STAU2: variants seen among roughly 807,000 people sequenced by gnomAD.
STAU2 encodes the protein double-stranded RNA-binding protein Staufen homolog 2.
Under a neutral mutation model 65.9 loss-of-function variants are expected in STAU2, and 20 were observed. The ratio of observed to expected loss-of-function variants is 0.30; its 90% CI spans 0.21 to 0.44. The LOEUF (loss-of-function observed/expected upper bound fraction) is 0.44. STAU2 is among the 20% of genes least tolerant of loss of function. STAU2 has a pLI of 1.00. For synonymous variants in STAU2, 232 were observed against 233.9 expected, an observed-to-expected ratio of 0.99 and a Z score of 0.07; for missense variants, 558 against 683.9, an observed-to-expected ratio of 0.82 and a Z score of 2.05.
chr8:73,641,140 A>G (rs1475206541), intron 6 of STAU2, among the ~76,000 whole-genome samples: 1 of 152,174 alleles, frequency 6.6e-6, no homozygotes, highest in African/African-American at 2.4e-5. Context: ...AATGTGGCCA[A>G]AAGAATCCTG....
chr8:73,488,172 G>A (rs958065514), intron 13 of STAU2, among the ~76,000 whole-genome samples: 1 of 151,984 alleles, frequency 6.6e-6, no homozygotes, highest in Non-Finnish European at 1.5e-5. Flanking sequence ...TACAGAGTAG[G>A]AATTTTTTAA....
At chr8:73,675,265 A>G (rs1435819957) in intron 5 of STAU2, among the ~76,000 whole-genome samples, 1 of 152,024 alleles carries the variant, frequency 6.6e-6, no homozygotes, top group Non-Finnish European at 1.5e-5. Flanking sequence ...GACACAACTT[A>G]TCAAAACCTC....
intron 6 of STAU2, among the ~76,000 whole-genome samples, chr8:73,629,518 G>A (rs1326156617): frequency 6.6e-6 from 1 of 152,010 alleles, no homozygotes; most frequent in African/African-American, 2.4e-5. Context: ...AAAATTGCAG[G>A]GTTTTAAAGT....
At chr8:73,649,710 T>C (rs1815685899) in intron 6 of STAU2, among the ~76,000 whole-genome samples, 1 of 151,588 alleles carries the variant, frequency 6.6e-6, no homozygotes, top group African/African-American at 2.4e-5. Context: ...ACAGGGCAGT[T>C]TGTATGATAT....
At chr8:73,551,022 G>T in intron 13 of STAU2, 1 of 986,482 alleles carries the variant, frequency 1.0e-6, no homozygotes, top group Non-Finnish European at 1.2e-6. Context: ...AAGGAATAAA[G>T]ACTAAGATGG....
At chr8:73,630,529 C>A (rs1006807305) in intron 6 of STAU2, among the ~76,000 whole-genome samples, 3 of 152,206 alleles carry the variant, frequency 2.0e-5, no homozygotes, top group African/African-American at 7.2e-5. Context: ...TTTAGTCACA[C>A]TAAATACAAA....
intron 13 of STAU2, among the ~76,000 whole-genome samples, chr8:73,476,916 T>C (rs746208966): frequency 1.3e-5 from 2 of 152,184 alleles, no homozygotes; most frequent in Non-Finnish European, 2.9e-5. Context: ...AGTGAGAATA[T>C]TGCATATATA....
intron 5 of STAU2, among the ~76,000 whole-genome samples, chr8:73,679,288 T>C (rs1160603051): frequency 6.6e-6 from 1 of 152,162 alleles, no homozygotes; most frequent in Non-Finnish European, 1.5e-5. Flanking sequence ...CAGGACTAAC[T>C]TGAGGCTCCC....
intron 6 of STAU2, among the ~76,000 whole-genome samples, chr8:73,641,860 G>A (rs529813150): frequency 6.6e-6 from 1 of 152,128 alleles, no homozygotes; most frequent in Non-Finnish European, 1.5e-5. Context: ...AGAATTCTGT[G>A]AGACTAATTC....
In STAU2 at chr8:73,637,477, T is replaced by TAAAAAAAAAAAAAAAA. The variant is rs60833468; in HGVS notation, c.411-20042_411-20027dup. 7.6e-3 allele frequency among the ~76,000 whole-genome samples: 436 copies of TAAAAAAAAAAAAAAAA among 57,154 alleles called. 3 individuals carry two copies. The highest frequency in any genetic ancestry group is 0.012 in the East Asian group (19 of 1,560). The allele number at this position is 57,154 out of a possible 152,430, so 37.5% of individuals were successfully genotyped here. On this transcript the variant is annotated intron_variant, in intron 6 of 14. Coordinates refer to ENST00000524300, the MANE Select transcript of STAU2 (RefSeq NM_001164380.2). ...TAAAGTCTTTATAAAGTGCTGAAAG[T>TAAAAAAAAAAAAAAAA]AAAAAAAAAAAAAAAAAAAAAAAAA...
intron 13 of STAU2, among the ~76,000 whole-genome samples, chr8:73,521,583 C>T (rs868211727): frequency 2.6e-5 from 4 of 152,142 alleles, no homozygotes; most frequent in African/African-American, 4.8e-5. Flanking sequence ...GATTTTTTGA[C>T]TTTAAAATGG....
At position 73,659,065 on chromosome 8, in the gene STAU2, G is replaced by C. The variant is rs1428790953; in HGVS notation, c.410+14042C>G. Among the ~76,000 whole-genome samples the C allele has an allele frequency of 2.6e-5, 4 of 152,090 alleles. No individual in the cohort carries two copies. The East Asian group carries it at 5.8e-4, about 22-fold the overall frequency. On this transcript the variant is annotated intron_variant, in intron 6 of 14. Coordinates refer to ENST00000524300, the MANE Select transcript of STAU2 (RefSeq NM_001164380.2). ...TGCATAAAAAGTGATTGAGCATTAA[G>C]GAGAAACAGCTGGTGGATAACGTTT... is the stretch of plus-strand genomic sequence containing the variant.
At chr8:73,730,430 A>G (rs976691192) in intron 3 of STAU2, among the ~76,000 whole-genome samples, 3 of 152,354 alleles carry the variant, frequency 2.0e-5, no homozygotes, top group African/African-American at 7.2e-5. Flanking sequence ...TATACTTTAA[A>G]AGAATATATA....
intron 13 of STAU2, among the ~76,000 whole-genome samples, chr8:73,476,734 G>C (rs60717542): frequency 0.14 from 21,032 of 152,118 alleles, 1,960 homozygotes; most frequent in East Asian, 0.51. Context: ...AGATCACTGG[G>C]GGGTGTAGAT....
At chr8:73,580,877 A>G (rs1017824076) in intron 12 of STAU2, among the ~76,000 whole-genome samples, 11 of 152,346 alleles carry the variant, frequency 7.2e-5, no homozygotes, top group African/African-American at 2.6e-4. Context: ...AGCTGGGAAG[A>G]GATAACAGAA....
At chr8:73,497,897 C>G (rs1441090428) in intron 13 of STAU2, among the ~76,000 whole-genome samples, 1 of 151,728 alleles carries the variant, frequency 6.6e-6, no homozygotes, top group East Asian at 1.9e-4. Context: ...ATCTCACATG[C>G]TTTGTCAAAA....
At chr8:73,746,686 G>A (rs2130806580) in intron 1 of STAU2, 97 bp downstream of exon 1, 2 of 727,200 alleles carry the variant, frequency 2.8e-6, no homozygotes, top group East Asian at 3.6e-5. Context: ...CGGGTTCCCC[G>A]TGCTGCGGAA....
At chr8:73,646,276 G>A (rs1384917373) in intron 6 of STAU2, among the ~76,000 whole-genome samples, 1 of 152,076 alleles carries the variant, frequency 6.6e-6, no homozygotes, top group African/African-American at 2.4e-5. Context: ...AGAAAGCAGA[G>A]TATTCAATTT....
intron 6 of STAU2, among the ~76,000 whole-genome samples, chr8:73,629,636 T>C (rs931194966): frequency 1.3e-5 from 2 of 152,338 alleles, no homozygotes; most frequent in East Asian, 3.9e-4. Flanking sequence ...TTATTGACAG[T>C]AATCATTTAA....
Sources: gnomAD v4.1 joint callset for allele counts (sites outside exome capture counted in the v4.1 genomes callset) on GRCh38, gnomAD v4.1.1 for gene constraint, MANE v1.5 for transcripts, NCBI Gene and HGNC (gene_info 2026-07-23, HGNC 2026-07-21) for gene names.